MAPKAP1: variants seen among roughly 807,000 people sequenced by gnomAD.
MAPKAP1 encodes target of rapamycin complex 2 subunit MAPKAP1.
A neutral mutation model predicts 65.7 loss-of-function variants in MAPKAP1; 20 were observed. That is an observed-to-expected ratio of 0.30 (90% CI 0.21 to 0.44). The LOEUF (loss-of-function observed/expected upper bound fraction) is 0.44. Among genes scored for constraint, MAPKAP1 ranks in the 20% least tolerant of loss-of-function variants. The pLI, the probability that MAPKAP1 is intolerant of heterozygous loss-of-function variation, is 1.00. For synonymous variants in MAPKAP1, 222 were observed against 244.3 expected (o/e 0.91, Z 0.85); for missense variants, 423 against 648.0 (o/e 0.65, Z 3.77).
chr9:125,653,323 G>C (rs888256239), intron 4 of MAPKAP1, among the ~76,000 whole-genome samples: 2 of 152,258 alleles, frequency 1.3e-5, no homozygotes, highest in Admixed American at 6.5e-5. Context: ...AGAAACTGTC[G>C]GTTAAATCTG....
chr9:125,689,751 A>G (rs1392198471), intron 1 of MAPKAP1, among the ~76,000 whole-genome samples: 3 of 149,366 alleles, frequency 2.0e-5, no homozygotes, highest in Non-Finnish European at 3.0e-5. Flanking sequence ...AAAAAAAAAA[A>G]AAGAAGAAGA....
At chr9:125,467,637 G>A (rs1251717827) in intron 10 of MAPKAP1, among the ~76,000 whole-genome samples, 2 of 152,176 alleles carry the variant, frequency 1.3e-5, no homozygotes, top group Non-Finnish European at 2.9e-5. Flanking sequence ...AATGGGAAGG[G>A]GAAGGGAGCC....
At chr9:125,522,538 A>G (rs1829650056) in intron 7 of MAPKAP1, among the ~76,000 whole-genome samples, 1 of 152,188 alleles carries the variant, frequency 6.6e-6, no homozygotes, top group Admixed American at 6.5e-5. Flanking sequence ...TGTTGATGAC[A>G]TTAAATCGGC....
Position 125,579,188 on chromosome 9 carries a change from G to GT in MAPKAP1, c.671+6366dup, listed in dbSNP as rs536120878. 9.2e-5 allele frequency among the ~76,000 whole-genome samples: 14 copies of GT among 152,324 alleles called. No individual in the cohort carries two copies. In the East Asian group the frequency reaches 1.7e-3, roughly 19 times the overall value. On this transcript the variant is annotated intron_variant, in intron 5 of 11. Coordinates refer to ENST00000265960, the MANE Select transcript of MAPKAP1 (RefSeq NM_001006617.3). The stretch of plus-strand genomic sequence containing the variant: ...CAATCTTGCTCAAGAGTTAACAGAC[G>GT]TAAGTGTAAAGGAGGCCAAGAATTC...
intron 8 of MAPKAP1, among the ~76,000 whole-genome samples, chr9:125,497,584 C>A (rs1209343000): frequency 6.6e-6 from 1 of 152,218 alleles, no homozygotes; most frequent in Non-Finnish European, 1.5e-5. Context: ...TCATTCAATT[C>A]TCACCAAATC....
At position 125,630,273 on chromosome 9, in the gene MAPKAP1, G is replaced by A. The variant is rs146732054; in HGVS notation, c.498+27378C>T. The stretch of plus-strand genomic sequence containing the variant: ...CCCAAGTAGCTGAGACAACAGGCGC[G>A]TGCCACCACACCTGGCTAATTTCTT... On this transcript the variant is annotated intron_variant, in intron 4 of 11. Transcript: ENST00000265960. Among the ~76,000 whole-genome samples the A allele has an allele frequency of 5.1e-4, 77 of 152,166 alleles. No individual in the cohort carries two copies. In the East Asian group the frequency reaches 7.3e-3, roughly 14 times the overall value.
At chr9:125,581,402 C>T (rs1319568705) in intron 5 of MAPKAP1, among the ~76,000 whole-genome samples, 5 of 152,202 alleles carry the variant, frequency 3.3e-5, no homozygotes, top group Non-Finnish European at 5.9e-5. Flanking sequence ...GTTCTAATAG[C>T]GTGTGGTTTT....
chr9:125,629,273 T>C (rs962709116), intron 4 of MAPKAP1, among the ~76,000 whole-genome samples: 3 of 152,206 alleles, frequency 2.0e-5, no homozygotes, highest in African/African-American at 7.2e-5. Flanking sequence ...TGAAAACAGA[T>C]ATTTGTACTG....
chr9:125,617,448 C>A (rs1040748202), intron 4 of MAPKAP1, among the ~76,000 whole-genome samples: 7 of 152,104 alleles, frequency 4.6e-5, no homozygotes, highest in African/African-American at 1.7e-4. Flanking sequence ...GCAACAGAGA[C>A]CCTATCTCAA....
At chr9:125,548,429 A>G (rs926068990) in intron 6 of MAPKAP1, among the ~76,000 whole-genome samples, 2 of 152,204 alleles carry the variant, frequency 1.3e-5, no homozygotes, top group Admixed American at 6.5e-5. Flanking sequence ...ATTTAGCTCT[A>G]AACCATGCTA....
intron 7 of MAPKAP1, among the ~76,000 whole-genome samples, chr9:125,511,347 G>GA (rs1283307072): frequency 6.6e-6 from 1 of 152,160 alleles, no homozygotes; most frequent in Non-Finnish European, 1.5e-5. Flanking sequence ...AAGATGTAAA[G>GA]AGTTTATAAA....
intron 3 of MAPKAP1, among the ~76,000 whole-genome samples, chr9:125,663,000 A>G (rs920577671): frequency 2.0e-5 from 3 of 152,202 alleles, no homozygotes; most frequent in Admixed American, 2.0e-4. Flanking sequence ...CTGGCAGATG[A>G]GTGAAGGGAG....
intron 4 of MAPKAP1, among the ~76,000 whole-genome samples, chr9:125,644,249 A>G (rs1833661908): frequency 1.3e-5 from 2 of 152,222 alleles, no homozygotes; most frequent in Admixed American, 1.3e-4. Context: ...GGTCCAAGAC[A>G]ACCTACGTTA....
rs1832714007 is a variant in MAPKAP1, at chr9:125,615,301, A to T, written c.499-29574T>A. ...AATGATATATCATGTTCAAAATGGT[A>T]AAGATGCCAATTCTCCCAAATTGAT... On this transcript the variant is annotated intron_variant, in intron 4 of 11. Coordinates refer to ENST00000265960, the MANE Select transcript of MAPKAP1 (RefSeq NM_001006617.3). Among the ~76,000 whole-genome samples, 4 of 152,328 alleles carry T rather than the reference A, an allele frequency of 2.6e-5. No individual in the cohort carries two copies. In the South Asian group the frequency reaches 8.3e-4, roughly 32 times the overall value.
chr9:125,483,691 C>T (rs1854396981), intron 9 of MAPKAP1, among the ~76,000 whole-genome samples: 1 of 152,270 alleles, frequency 6.6e-6, no homozygotes, highest in South Asian at 2.1e-4. Flanking sequence ...GCTCCTGGCA[C>T]CACCACCTAA....
intron 3 of MAPKAP1, among the ~76,000 whole-genome samples, chr9:125,665,232 CCA>C (rs1003953511): frequency 6.6e-6 from 1 of 152,038 alleles, no homozygotes; most frequent in Non-Finnish European, 1.5e-5. Context: ...TGTGTGAACC[CCA>C]GAGGCGGATG....
chr9:125,525,133 G>A (rs999236215), intron 7 of MAPKAP1, among the ~76,000 whole-genome samples: 6 of 152,132 alleles, frequency 3.9e-5, no homozygotes, highest in African/African-American at 1.4e-4. Context: ...CATACAAAAA[G>A]AGCATTAGAT....
At position 125,693,834 on chromosome 9, in the gene MAPKAP1, T is replaced by TACACACACACAC. The variant is rs1430763244; in HGVS notation, c.-70+13136_-70+13137insGTGTGTGTGTGT. On this transcript the variant is annotated intron_variant, in intron 1 of 11. Transcript: ENST00000265960. ...ACACACATATACACACACACACATA[T>TACACACACACAC]ATATACACACATACACACACACACA... is the stretch of plus-strand genomic sequence containing the variant. Among the ~76,000 whole-genome samples, 50 of 87,830 alleles carry TACACACACACAC rather than the reference T, an allele frequency of 5.7e-4. 3 individuals are homozygous for TACACACACACAC. The highest frequency in any genetic ancestry group is 1.4e-3 in the African/African-American group (30 of 21,980). The allele number at this position is 87,830 out of a possible 152,430, so 57.6% of individuals were successfully genotyped here.
At chr9:125,452,179 ATC>A (rs954032170) in intron 10 of MAPKAP1, among the ~76,000 whole-genome samples, 2 of 151,500 alleles carry the variant, frequency 1.3e-5, no homozygotes, top group African/African-American at 2.4e-5. Flanking sequence ...GCTCACTGCA[ATC>A]TCTGTCTCCT....
Sources: gnomAD v4.1 joint callset for allele counts (sites outside exome capture counted in the v4.1 genomes callset) on GRCh38, gnomAD v4.1.1 for gene constraint, MANE v1.5 for transcripts, NCBI Gene and HGNC (gene_info 2026-07-23, HGNC 2026-07-21) for gene names.